The following TEX9 variants were observed in gnomAD, a reference collection of about 807,000 sequenced individuals.
The protein encoded by TEX9 is testis expressed 9, also known as testis-expressed protein 9.
Under a neutral mutation model 59.6 loss-of-function variants are expected in TEX9, and 74 were observed. The ratio of observed to expected loss-of-function variants is 1.24; its 90% CI spans 1.03 to 1.51. The LOEUF (loss-of-function observed/expected upper bound fraction) is 1.51. Among genes scored for constraint, TEX9 ranks in the 40% most tolerant of loss-of-function variants. TEX9 has a pLI of 0.00. For synonymous variants in TEX9, 186 were observed against 152.2 expected (o/e 1.22, Z -1.64); for missense variants, 522 against 447.8 (o/e 1.17, Z -1.49).
chr15:56,354,923 T>G (rs1427400502), intron 1 of TEX9, among the ~76,000 whole-genome samples: 1 of 152,206 alleles, frequency 6.6e-6, no homozygotes, highest in Non-Finnish European at 1.5e-5. Context: ...TCAAGGAAGG[T>G]TGAGGAATAA....
intron 1 of TEX9, among the ~76,000 whole-genome samples, chr15:56,333,267 C>T (rs914001411): frequency 1.3e-5 from 2 of 152,038 alleles, no homozygotes; most frequent in Non-Finnish European, 2.9e-5. Context: ...AAATCCTCAA[C>T]AAAACACTAG....
intron 10 of TEX9, among the ~76,000 whole-genome samples, chr15:56,420,403 G>A (rs1428138524): frequency 1.3e-5 from 2 of 151,398 alleles, no homozygotes; most frequent in Non-Finnish European, 2.9e-5. Flanking sequence ...CGCCTCCCAG[G>A]TTCAAGCGGT....
chr15:56,245,194 G>C (rs181132369), intron 1 of TEX9, among the ~76,000 whole-genome samples: 5 of 152,140 alleles, frequency 3.3e-5, no homozygotes, highest in African/African-American at 9.7e-5. Context: ...TGAGTTCTCA[G>C]TTCCCTGCCT....
intron 1 of TEX9, among the ~76,000 whole-genome samples, chr15:56,272,238 C>G (rs1411972027): frequency 2.0e-5 from 3 of 152,168 alleles, no homozygotes; most frequent in Non-Finnish European, 1.5e-5. Context: ...TTCCATCGCC[C>G]CAAGAAGAAA....
intron 2 of TEX9, among the ~76,000 whole-genome samples, chr15:56,369,058 A>G (rs1396179748): frequency 2.0e-5 from 3 of 151,868 alleles, no homozygotes; most frequent in Non-Finnish European, 4.4e-5. Flanking sequence ...ATATTCCAGG[A>G]CTTGTTTTGA....
At chr15:56,406,796 G>A (rs1392976254) in intron 9 of TEX9, among the ~76,000 whole-genome samples, 1 of 151,990 alleles carries the variant, frequency 6.6e-6, no homozygotes, top group East Asian at 1.9e-4. Flanking sequence ...ATACTAAGTT[G>A]CAAATTCTTT....
chr15:56,257,914 T>C (rs1596046576), intron 1 of TEX9, among the ~76,000 whole-genome samples: 1 of 152,268 alleles, frequency 6.6e-6, no homozygotes, highest in African/African-American at 2.4e-5. Flanking sequence ...AGGGTTTTTA[T>C]AGTTTTAGGT....
chr15:56,431,636 T>C (rs1179542478), intron 12 of TEX9: 1 of 595,068 alleles, frequency 1.7e-6, no homozygotes, highest in Non-Finnish European at 2.6e-6. Context: ...TTCTAGATAA[T>C]ATATATTTTT....
intron 1 of TEX9, among the ~76,000 whole-genome samples, chr15:56,265,985 C>T (rs1179453800): frequency 3.3e-5 from 5 of 152,134 alleles, no homozygotes; most frequent in Non-Finnish European, 5.9e-5. Context: ...CTCTGAGCCA[C>T]CAACCATAAT....
At chr15:56,434,046 T>C in intron 12 of TEX9, 1 of 1,356,464 alleles carries the variant, frequency 7.4e-7, no homozygotes, top group Non-Finnish European at 1.0e-6. Flanking sequence ...TTGTCTGGCA[T>C]ATAAAGCTTC....
intron 1 of TEX9, among the ~76,000 whole-genome samples, chr15:56,273,054 A>G (rs1252060892): frequency 6.6e-6 from 1 of 151,828 alleles, no homozygotes; most frequent in Non-Finnish European, 1.5e-5. Flanking sequence ...CCCGAGTTCA[A>G]GCAATTCTTC....
intron 1 of TEX9, among the ~76,000 whole-genome samples, chr15:56,346,893 A>T (rs1442380337): frequency 6.6e-6 from 1 of 152,234 alleles, no homozygotes; most frequent in Non-Finnish European, 1.5e-5. Flanking sequence ...AAAAAATACA[A>T]GATAAACGTA....
At chr15:56,366,907 C>T (rs1302781428) in intron 2 of TEX9, among the ~76,000 whole-genome samples, 2 of 152,032 alleles carry the variant, frequency 1.3e-5, no homozygotes, top group African/African-American at 4.8e-5. Flanking sequence ...TGAAATGGGC[C>T]GATTATCCCA....
intron 10 of TEX9, 28 bp from the exon 11 acceptor site, chr15:56,427,577 T>C (rs1426434384): frequency 1.4e-5 from 20 of 1,436,314 alleles, no homozygotes; most frequent in Non-Finnish European, 1.8e-5. Flanking sequence ...ATATTAAAAA[T>C]ATATGGCACT....
chr15:56,396,046 T>A (rs1198870297), intron 9 of TEX9: 2 of 152,196 alleles, frequency 1.3e-5, no homozygotes, highest in Non-Finnish European at 2.9e-5. Context: ...GAATGTATTT[T>A]AAATAAACTA....
chr15:56,348,514 A>G (rs2046516139), intron 1 of TEX9, among the ~76,000 whole-genome samples: 1 of 152,112 alleles, frequency 6.6e-6, no homozygotes, highest in Admixed American at 6.6e-5. Context: ...TTGCTAAATA[A>G]ACAACTCAGG....
At chr15:56,365,542 T>C in intron 1 of TEX9, 37 bp from the exon 2 acceptor site, 1 of 1,614,188 alleles carries the variant, frequency 6.2e-7, no homozygotes, top group Non-Finnish European at 8.5e-7. Context: ...CTAACTTCCT[T>C]TAACTTCGGG....
At chr15:56,452,897 A>G in the TEX9 span, among the ~76,000 whole-genome samples, 2 of 152,156 alleles carry the variant, frequency 1.3e-5, 1 homozygote, top group African/African-American at 4.8e-5. Flanking sequence ...TCAAAAGCCT[A>G]GTTTCCAGAA....
At chr15:56,412,460 T>G in intron 10 of TEX9, 24 bp downstream of exon 10, 2 of 1,587,256 alleles carry the variant, frequency 1.3e-6, no homozygotes, top group Non-Finnish European at 1.7e-6. Context: ...GAATAGCTTT[T>G]GTAGTGATCC....
Sources: allele counts gnomAD v4.1 joint callset (sites outside exome capture counted in the v4.1 genomes callset), GRCh38; gene constraint gnomAD v4.1.1; transcripts MANE v1.5; gene names NCBI Gene and HGNC (gene_info 2026-07-23, HGNC 2026-07-21).